BRAF: variants seen among roughly 807,000 people sequenced by gnomAD.
BRAF encodes the protein B-Raf proto-oncogene, serine/threonine kinase, also known as serine/threonine-protein kinase B-raf.
A neutral mutation model predicts 104.6 loss-of-function variants in BRAF; 16 were observed. The ratio of observed to expected loss-of-function variants is 0.15; its 90% CI spans 0.10 to 0.23. The LOEUF is 0.23. Ranked by LOEUF, BRAF falls within the 10% of genes least tolerant of loss-of-function variation. The probability of loss-of-function intolerance (pLI) is 1.00; values close to 1 mark genes in which losing one functional copy is unlikely to be tolerated. For synonymous variants in BRAF, 310 were observed against 341.6 expected (o/e 0.91, Z 1.02); for missense variants, 541 against 937.3 (o/e 0.58, Z 5.52).
chr7:140,893,432 G>A (rs937333920), intron 1 of BRAF, among the ~76,000 whole-genome samples: 6 of 151,956 alleles, frequency 3.9e-5, no homozygotes, highest in Non-Finnish European at 1.5e-5. Context: ...TGTATTTTCA[G>A]TGGAGACGGG....
chr7:140,783,414 C>A, intron 10 of BRAF: 2 of 350,856 alleles, frequency 5.7e-6, no homozygotes, highest in South Asian at 8.1e-5. Context: ...TTTACTGGTG[C>A]AAAATCTAGG....
intron 1 of BRAF, among the ~76,000 whole-genome samples, chr7:140,861,604 C>A (rs943435805): frequency 6.6e-6 from 1 of 152,134 alleles, no homozygotes; most frequent in African/African-American, 2.4e-5. Context: ...GGATCTACAC[C>A]CACAGCAAAA....
At chr7:140,749,182 AG>A in intron 17 of BRAF, 104 bp downstream of exon 16, 1 of 1,496,168 alleles carries the variant, frequency 6.7e-7, no homozygotes, top group Non-Finnish European at 9.1e-7. Flanking sequence ...CAAAAAATCA[AG>A]AAATCTATCC....
intron 1 of BRAF, among the ~76,000 whole-genome samples, chr7:140,857,137 T>C (rs1809872195): frequency 6.6e-6 from 1 of 152,178 alleles, no homozygotes; most frequent in Non-Finnish European, 1.5e-5. Flanking sequence ...AAGCCCTAAA[T>C]GTAATCGACA....
At chr7:140,866,283 T>C (rs748515873) in intron 1 of BRAF, among the ~76,000 whole-genome samples, 1 of 152,226 alleles carries the variant, frequency 6.6e-6, no homozygotes, top group Admixed American at 6.5e-5. Flanking sequence ...TGGTCATAAC[T>C]TTCTCTCACT....
At chr7:140,902,439 T>C (rs1815758467) in intron 1 of BRAF, among the ~76,000 whole-genome samples, 2 of 152,196 alleles carry the variant, frequency 1.3e-5, no homozygotes, top group Admixed American at 1.3e-4. Flanking sequence ...TTAAAAACCC[T>C]ACAATGACTT....
At chr7:140,835,401 A>C in intron 2 of BRAF, 1 of 159,388 alleles carries the variant, frequency 6.3e-6, no homozygotes, top group Non-Finnish European at 1.4e-5. Flanking sequence ...CACTGTTAGT[A>C]CCAAAACCTC....
chr7:140,734,807 G>T (rs760743162), intron 18 of BRAF, 37 bp from the exon 18 acceptor site: 2 of 870,186 alleles, frequency 2.3e-6, no homozygotes, highest in Non-Finnish European at 3.0e-6. Context: ...GAAAAAAAAA[G>T]AAAAAAGAAA....
chr7:140,800,727 A>G (rs1803011858), intron 6 of BRAF, among the ~76,000 whole-genome samples: 1 of 152,220 alleles, frequency 6.6e-6, no homozygotes, highest in Non-Finnish European at 1.5e-5. Flanking sequence ...CAAGATGAAA[A>G]TCATGCTTTA....
intron 1 of BRAF, among the ~76,000 whole-genome samples, chr7:140,851,829 T>G (rs1809191606): frequency 6.6e-6 from 1 of 152,248 alleles, no homozygotes; most frequent in African/African-American, 2.4e-5. Context: ...TGAGCACTTT[T>G]TATGCTTACT....
At chr7:140,891,558 A>G (rs956232206) in intron 1 of BRAF, among the ~76,000 whole-genome samples, 4 of 152,162 alleles carry the variant, frequency 2.6e-5, no homozygotes, top group African/African-American at 9.6e-5. Context: ...GGTGAATCCT[A>G]GGATGCAGAA....
At chr7:140,869,450 T>G (rs900408659) in intron 1 of BRAF, among the ~76,000 whole-genome samples, 8 of 152,100 alleles carry the variant, frequency 5.3e-5, no homozygotes, top group African/African-American at 1.9e-4. Context: ...CTGGCCAACA[T>G]GGCGAAACCC....
rs760138693 is a variant in BRAF at position 140,721,662 on chromosome 7, C to A, written c.*4832G>T. 2.0e-6 allele frequency: 3 copies of A among 1,534,640 alleles called. No homozygotes were observed. In the African/African-American group the frequency reaches 4.1e-5, roughly 21 times the overall value. On this transcript the variant is annotated 3_prime_UTR_variant, in exon 20 of 20. Coordinates refer to ENST00000644969, the MANE Select transcript of BRAF (RefSeq NM_001374258.1). The stretch of plus-strand genomic sequence containing the variant: ...CTACCCTCTTCTGGGGCTCAACTAC[C>A]GATGGGCATCAGTAATCCATCCCAG...
At chr7:140,728,625 T>C (rs1279900121) in intron 19 of BRAF, among the ~76,000 whole-genome samples, 1 of 152,072 alleles carries the variant, frequency 6.6e-6, no homozygotes, top group Non-Finnish European at 1.5e-5. Flanking sequence ...AGGAGGCTAT[T>C]ATGGTAACAC....
chr7:140,834,477 A>G, intron 3 of BRAF, 132 bp downstream of exon 3: 1 of 1,239,160 alleles, frequency 8.1e-7, no homozygotes, highest in South Asian at 1.3e-5. Flanking sequence ...CATATTTTTC[A>G]TTCCTGTATG....
chr7:140,778,602 G>A (rs949466063), intron 12 of BRAF, among the ~76,000 whole-genome samples: 1 of 151,810 alleles, frequency 6.6e-6, no homozygotes, highest in Non-Finnish European at 1.5e-5. Context: ...AAAACTTCAT[G>A]TGAGTTAATG....
rs71645992 is a variant in BRAF, at chr7:140,739,515, T to G, written c.2247+297A>C. On this transcript the variant is annotated intron_variant, in intron 18 of 19. Coordinates refer to ENST00000644969, the MANE Select transcript of BRAF (RefSeq NM_001374258.1). ...TTAAAACTTATATAAACAAAAGCTC[T>G]TTGTGGGGGGGGGGGTCTTCGATAA... is the stretch of plus-strand genomic sequence containing the variant. Among the ~76,000 whole-genome samples the G allele has an allele frequency of 0.018, 1,735 of 94,360 alleles. 34 individuals are homozygous for G. Among genetic ancestry groups the G allele is most frequent in the African/African-American group, 0.12 (1,604 of 13,190 alleles). The allele number at this position is 94,360 out of a possible 152,430, so 61.9% of individuals were successfully genotyped here.
intron 1 of BRAF, among the ~76,000 whole-genome samples, chr7:140,853,905 T>C (rs1223026463): frequency 6.6e-6 from 1 of 152,200 alleles, no homozygotes; most frequent in African/African-American, 2.4e-5. Flanking sequence ...TTATTTTTTC[T>C]GATTTATCCC....
rs1797942787 is a variant in BRAF, at chr7:140,753,368, T to G, written c.1887A>C (p.Thr629=). The change falls in exon 16 of 20, where the codon ACA becomes ACC. Residue 629 remains threonine, a synonymous_variant. Coordinates refer to ENST00000644969, the MANE Select transcript of BRAF (RefSeq NM_001374258.1). ...SNNIFLHEDL[T]VKIGDFGLAT... is the part of the protein sequence containing the mutation. ...CTAGACCAAAATCACCTATTTTTAC[T>G]GTGAGGTCTTCATGAAGAAATATAT... 1.2e-6 allele frequency: 2 copies of G among 1,609,088 alleles called. No individual in the cohort carries two copies. Among genetic ancestry groups the G allele is most frequent in the South Asian group, 1.1e-5 (1 of 90,988 alleles).
Sources: gnomAD v4.1 joint callset for allele counts (sites outside exome capture counted in the v4.1 genomes callset) on GRCh38, gnomAD v4.1.1 for gene constraint, MANE v1.5 for transcripts, NCBI Gene and HGNC (gene_info 2026-07-23, HGNC 2026-07-21) for gene names.